The following TNKS variants were observed in gnomAD, a reference collection of about 807,000 sequenced individuals.
TNKS encodes tankyrase.
A neutral mutation model predicts 135.8 loss-of-function variants in TNKS; 72 were observed. The observed-to-expected ratio is 0.53, with a 90% confidence interval of 0.44 to 0.64. The LOEUF is 0.64. Among genes scored for constraint, TNKS ranks in the 30% least tolerant of loss-of-function variants. The pLI, the probability that TNKS is intolerant of heterozygous loss-of-function variation, is 0.00. For synonymous variants in TNKS, 849 were observed against 649.3 expected (o/e 1.31, Z -4.68); for missense variants, 1,769 against 1,674.0 (o/e 1.06, Z -0.99).
Position 9,644,563 on chromosome 8 carries a change from A to G in TNKS, c.994+28886A>G, listed in dbSNP as rs926254677. 2.2e-4 allele frequency among the ~76,000 whole-genome samples: 33 copies of G among 152,118 alleles called. 2 individuals are homozygous for G. The highest frequency in any genetic ancestry group is 2.1e-3 in the Admixed American group (32 of 15,264). On this transcript the variant is annotated intron_variant, in intron 3 of 26. Transcript: ENST00000310430. ...TTCCATTTCTTGGACTTTTTACTGA[A>G]GGCTTGTCTCCCATGTTGTTTGGAA...
At chr8:9,654,436 T>C (rs559431224) in intron 3 of TNKS, among the ~76,000 whole-genome samples, 1 of 152,338 alleles carries the variant, frequency 6.6e-6, no homozygotes, top group African/African-American at 2.4e-5. Context: ...TGAAAGGAGA[T>C]ATAAATGAGG....
chr8:9,726,270 G>C (rs576812935), intron 12 of TNKS, among the ~76,000 whole-genome samples: 32 of 152,150 alleles, frequency 2.1e-4, no homozygotes, highest in Non-Finnish European at 4.4e-4. Context: ...GTACACGTGT[G>C]GTCTCAGCTA....
At chr8:9,620,176 C>G (rs961996838) in intron 3 of TNKS, among the ~76,000 whole-genome samples, 3 of 152,128 alleles carry the variant, frequency 2.0e-5, no homozygotes, top group Non-Finnish European at 2.9e-5. Context: ...TCTCGATCTC[C>G]TGACCTCGTG....
intron 3 of TNKS, among the ~76,000 whole-genome samples, chr8:9,669,190 G>C (rs532561791): frequency 6.6e-6 from 1 of 151,220 alleles, no homozygotes; most frequent in Non-Finnish European, 1.5e-5. Context: ...AGGCCGAGGC[G>C]GGTGGATCAT....
chr8:9,616,458 A>C (rs1239919662), intron 3 of TNKS, among the ~76,000 whole-genome samples: 1 of 152,178 alleles, frequency 6.6e-6, no homozygotes. Flanking sequence ...CTGTCACTGC[A>C]GTGCTAACAG....
intron 3 of TNKS, among the ~76,000 whole-genome samples, chr8:9,678,397 C>T (rs913879407): frequency 6.6e-6 from 1 of 152,094 alleles, no homozygotes; most frequent in African/African-American, 2.4e-5. Flanking sequence ...AATGAAATGA[C>T]CTTTACTCTG....
At chr8:9,556,759 C>CT in intron 1 of TNKS, 147 bp downstream of exon 1, 1 of 795,950 alleles carries the variant, frequency 1.3e-6, no homozygotes, top group African/African-American at 1.8e-5. Flanking sequence ...AGGTTCCTTT[C>CT]TTTTGGTGGT....
Position 9,763,138 on chromosome 8 carries a change from C to G in TNKS, c.3275-9C>G. ...TTTTGTTTTATATGTTAATTTTTCTCTCCGACAGGCACCAATCCTTATTTG... is the reference window on the plus strand; with the variant it reads ...TTTTGTTTTATATGTTAATTTTTCTGTCCGACAGGCACCAATCCTTATTTG... On this transcript the variant is annotated splice_polypyrimidine_tract_variant and intron_variant, in intron 21 of 26. Coordinates refer to ENST00000310430, the MANE Select transcript of TNKS (RefSeq NM_003747.3). The G allele has an allele frequency of 1.3e-6, 2 of 1,483,280 alleles. No homozygotes were observed. The highest frequency in any genetic ancestry group is 1.8e-6 in the Non-Finnish European group (2 of 1,096,444). 91.9% of individuals were successfully genotyped at this position (1,483,280 alleles called of 1,614,324 possible).
intron 3 of TNKS, among the ~76,000 whole-genome samples, chr8:9,616,691 G>A (rs1012972061): frequency 6.6e-6 from 1 of 152,092 alleles, no homozygotes; most frequent in African/African-American, 2.4e-5. Flanking sequence ...TTTGCACTGT[G>A]CTAAAATCAA....
rs893138992 is a variant in TNKS at position 9,580,207 on chromosome 8, A to T, written c.722A>T (p.Asn241Ile). The T allele has an allele frequency of 6.2e-7, 1 of 1,614,170 alleles. No individual in the cohort carries two copies. Among genetic ancestry groups the T allele is most frequent in the Non-Finnish European group, 8.5e-7 (1 of 1,180,038 alleles). ...GAACACTTACTACAGATGGGTGCTA[A>T]TGTCCACGCTCGTGATGATGGAGGT... ...VVEHLLQMGA[N>I]VHARDDGGLI... is the part of the protein sequence containing the mutation. The change falls in exon 2 of 27, where the codon AAT becomes ATT. Residue 241 changes from asparagine (N) to isoleucine (I), a missense_variant. Around this residue, in one of 5 missense-constraint regions of TNKS, gnomAD observed 523 missense variants for 541.0 expected, o/e 0.97. Transcript: ENST00000310430.
chr8:9,700,128 T>C (rs1803726207), intron 5 of TNKS, among the ~76,000 whole-genome samples: 2 of 152,108 alleles, frequency 1.3e-5, no homozygotes, highest in Admixed American at 1.3e-4. Context: ...TCCTCCAGCC[T>C]TCCCGGGTGT....
intron 3 of TNKS, among the ~76,000 whole-genome samples, chr8:9,655,066 A>T (rs1801300714): frequency 6.6e-6 from 1 of 152,288 alleles, no homozygotes; most frequent in East Asian, 1.9e-4. Flanking sequence ...CACTTTTCCA[A>T]CGGGCTTAAT....
At chr8:9,622,691 G>A (rs1454919338) in intron 3 of TNKS, among the ~76,000 whole-genome samples, 15 of 152,170 alleles carry the variant, frequency 9.9e-5, no homozygotes, top group Admixed American at 9.8e-4. Context: ...AATCTAGTCT[G>A]TTAATATAAT....
At chr8:9,770,310 T>C (rs772516423) in intron 26 of TNKS, 48 bp downstream of exon 26, 6 of 1,567,188 alleles carry the variant, frequency 3.8e-6, no homozygotes, top group East Asian at 4.6e-5. Context: ...AACATGTCAA[T>C]AGAGCACAGA....
intron 5 of TNKS, among the ~76,000 whole-genome samples, chr8:9,681,902 T>TA (rs1802797231): frequency 1.3e-5 from 2 of 152,146 alleles, no homozygotes; most frequent in South Asian, 4.1e-4. Context: ...TATATATCGT[T>TA]ACATGGCCCA....
At chr8:9,729,848 ACT>A (rs1450494262) in intron 13 of TNKS, among the ~76,000 whole-genome samples, 4 of 131,128 alleles carry the variant, frequency 3.1e-5, no homozygotes, top group Non-Finnish European at 6.1e-5. Flanking sequence ...ATTTCGGCTC[ACT>A]GCAACCTCTG....
intron 3 of TNKS, among the ~76,000 whole-genome samples, chr8:9,676,686 C>CTGTGTA (rs1802555069): frequency 6.8e-6 from 1 of 147,786 alleles, no homozygotes; most frequent in Non-Finnish European, 1.5e-5. Flanking sequence ...CTCTCTCTCT[C>CTGTGTA]TGTGTGTGTG....
At chr8:9,647,894 C>G (rs1372586168) in intron 3 of TNKS, among the ~76,000 whole-genome samples, 1 of 152,192 alleles carries the variant, frequency 6.6e-6, no homozygotes, top group Non-Finnish European at 1.5e-5. Context: ...CACACATAAG[C>G]TATATGGTAT....
chr8:9,710,429 C>A lies in TNKS; in HGVS notation c.1749+209C>A, dbSNP rs1199155711. The stretch of plus-strand genomic sequence containing the variant: ...CCCGTGTTTCTTGATCCTTTAATGT[C>A]ACCCTTCTGTAAAGCAACAAAATAT... On this transcript the variant is annotated intron_variant, in intron 11 of 26. Transcript: ENST00000310430. 4.7e-5 allele frequency: 28 copies of A among 596,898 alleles called. 1 individual carries two copies. The East Asian group carries it at 7.7e-4, about 16-fold the overall frequency. 37.0% of individuals were successfully genotyped at this position (596,898 alleles called of 1,614,324 possible).
Sources: allele counts gnomAD v4.1 joint callset (sites outside exome capture counted in the v4.1 genomes callset), GRCh38; gene constraint gnomAD v4.1.1; regional missense constraint gnomAD v4.1.1; transcripts MANE v1.5; gene names NCBI Gene and HGNC (gene_info 2026-07-23, HGNC 2026-07-21).